The following CUX2 variants were observed in gnomAD, a reference collection of about 807,000 sequenced individuals.
CUX2 encodes homeobox protein cut-like 2.
A neutral mutation model predicts 144.8 loss-of-function variants in CUX2; 40 were observed. That is an observed-to-expected ratio of 0.28 (90% CI 0.21 to 0.36). The LOEUF (loss-of-function observed/expected upper bound fraction) is 0.36, where lower values mean the gene tolerates loss of function less well. Among genes scored for constraint, CUX2 ranks in the 10% least tolerant of loss-of-function variants. The pLI is 1.00. For missense variants in CUX2, 1,615 were observed against 1,994.0 expected (o/e 0.81, Z 3.62); for synonymous variants, 827 against 875.6 (o/e 0.94, Z 0.98).
At chr12:111,106,869 CAG>C (rs1244748787) in intron 1 of CUX2, among the ~76,000 whole-genome samples, 1 of 152,142 alleles carries the variant, frequency 6.6e-6, no homozygotes, top group African/African-American at 2.4e-5. Context: ...GAAAGAAGGA[CAG>C]GGGACAACCT....
intron 1 of CUX2, among the ~76,000 whole-genome samples, chr12:111,098,887 G>A (rs1398401994): frequency 6.6e-6 from 1 of 152,246 alleles, no homozygotes; most frequent in African/African-American, 2.4e-5. Flanking sequence ...CCTGGTGCAG[G>A]GGAAAGGGGG....
intron 1 of CUX2, among the ~76,000 whole-genome samples, chr12:111,112,727 G>A (rs1034396873): frequency 7.9e-5 from 12 of 152,146 alleles, no homozygotes; most frequent in Non-Finnish European, 1.6e-4. Flanking sequence ...GTTCTTTTAG[G>A]TTAAAATAAG....
chr12:111,294,829 C>T (rs1441927254), intron 6 of CUX2, among the ~76,000 whole-genome samples: 1 of 150,686 alleles, frequency 6.6e-6, no homozygotes, highest in Non-Finnish European at 1.5e-5. Context: ...ACCTGGGAGG[C>T]GGAGGTTGCA....
chr12:111,230,234 G>A (rs550789291), intron 3 of CUX2, among the ~76,000 whole-genome samples: 10 of 151,980 alleles, frequency 6.6e-5, no homozygotes, highest in African/African-American at 2.4e-4. Context: ...GAGGAATGGG[G>A]AGAGGGAAGA....
At position 111,099,745 on chromosome 12, in the gene CUX2, C is replaced by T. The variant is rs573932560; in HGVS notation, c.63+65505C>T. The T allele has an allele frequency of 2.0e-5, 9 of 453,882 alleles. No individual in the cohort carries two copies. In the East Asian group the frequency reaches 2.1e-4, roughly 11 times the overall value. The allele number at this position is 453,882 out of a possible 1,614,324, so 28.1% of individuals were successfully genotyped here. On this transcript the variant is annotated intron_variant, in intron 1 of 21. Coordinates refer to ENST00000261726, the MANE Select transcript of CUX2 (RefSeq NM_015267.4). ...TTGGGCGCCGAAACTGGGGCCTGCA[C>T]GGATGGTGTAAAATCAGACCCAGGC...
intron 17 of CUX2, among the ~76,000 whole-genome samples, chr12:111,321,887 G>C (rs2136403612): frequency 6.6e-6 from 1 of 152,164 alleles, no homozygotes; most frequent in East Asian, 1.9e-4. Flanking sequence ...AGGCTTCCTG[G>C]AGGAGGGGGG....
chr12:111,272,691 C>T lies in CUX2; in HGVS notation c.301+8852C>T, dbSNP rs1210016498. On this transcript the variant is annotated intron_variant, in intron 4 of 21. Coordinates refer to ENST00000261726, the MANE Select transcript of CUX2 (RefSeq NM_015267.4). The stretch of plus-strand genomic sequence containing the variant: ...GTTGGTCAGGCTGGTATCGAACTCC[C>T]GACTTCAGGTGATCCACCTGCCTCG... Among the ~76,000 whole-genome samples the T allele has an allele frequency of 3.9e-5, 6 of 152,094 alleles. No homozygotes were observed. The South Asian group carries it at 1.0e-3, about 26-fold the overall frequency.
intron 1 of CUX2, among the ~76,000 whole-genome samples, chr12:111,046,085 A>G (rs1002342115): frequency 6.6e-6 from 1 of 152,142 alleles, no homozygotes; most frequent in African/African-American, 2.4e-5. Flanking sequence ...AGGAACCCCC[A>G]CCACACCCTG....
chr12:111,298,248 G>A (rs962143291), intron 8 of CUX2, among the ~76,000 whole-genome samples: 1 of 152,216 alleles, frequency 6.6e-6, no homozygotes, highest in Non-Finnish European at 1.5e-5. Context: ...GCCGGGGGCT[G>A]TTCTCTTGAG....
chr12:111,241,779 G>A (rs938649775), intron 3 of CUX2, among the ~76,000 whole-genome samples: 1 of 152,264 alleles, frequency 6.6e-6, no homozygotes. Context: ...CAGAACTTGG[G>A]CTGGCCAGCT....
intron 3 of CUX2, among the ~76,000 whole-genome samples, chr12:111,226,575 AACATC>A (rs1882156975): frequency 6.6e-6 from 1 of 152,238 alleles, no homozygotes. Flanking sequence ...CATTAGAAAT[AACATC>A]ATCTAAAGAA....
chr12:111,347,648 G>C lies in CUX2; in HGVS notation c.3784G>C (p.Asp1262His). 6.2e-7 allele frequency: 1 copy of C among 1,609,102 alleles called. No homozygotes were observed. The highest frequency in any genetic ancestry group is 8.5e-7 in the Non-Finnish European group (1 of 1,177,324). ...CCCAGACCCCACCCCGCAGAGCCCT[G>C]ACTCTGAGACTGAGGACCAGAAGCC... Reference protein sequence around the residue: ...SHPDPTPQSPDSETEDQKPTV... With the variant: ...SHPDPTPQSPHSETEDQKPTV... The change falls in exon 22 of 22, where the codon GAC becomes CAC. Residue 1262 changes from aspartate to histidine, a missense_variant. Coordinates refer to ENST00000261726, the MANE Select transcript of CUX2 (RefSeq NM_015267.4).
chr12:111,038,881 G>C (rs1869595573), intron 1 of CUX2, among the ~76,000 whole-genome samples: 1 of 148,290 alleles, frequency 6.7e-6, no homozygotes, highest in Non-Finnish European at 1.5e-5. Flanking sequence ...TTTCAGATGA[G>C]CACGGTGCTA....
At chr12:111,321,503 G>A (rs887559499) in intron 17 of CUX2, among the ~76,000 whole-genome samples, 12 of 151,740 alleles carry the variant, frequency 7.9e-5, no homozygotes, top group Non-Finnish European at 1.6e-4. Flanking sequence ...GGATCAGCCT[G>A]GGCAATGTAG....
intron 1 of CUX2, among the ~76,000 whole-genome samples, chr12:111,087,366 C>CAAA (rs1159500448): frequency 8.7e-4 from 39 of 45,022 alleles, no homozygotes; most frequent in Middle Eastern, 0.015. Context: ...GACTCCATCT[C>CAAA]AAAAAAAAAA....
intron 1 of CUX2, among the ~76,000 whole-genome samples, chr12:111,124,977 T>G (rs934416402): frequency 8.5e-5 from 13 of 152,138 alleles, no homozygotes; most frequent in African/African-American, 3.1e-4. Context: ...GATTCTAGTT[T>G]CTGTGGCCAG....
chr12:111,189,257 A>C (rs1879736812), intron 1 of CUX2, among the ~76,000 whole-genome samples: 1 of 152,246 alleles, frequency 6.6e-6, no homozygotes, highest in Admixed American at 6.5e-5. Flanking sequence ...GGGTGACAGA[A>C]TGAGACCCTG....
intron 1 of CUX2, among the ~76,000 whole-genome samples, chr12:111,213,179 A>T (rs1303205959): frequency 2.0e-5 from 3 of 152,238 alleles, no homozygotes; most frequent in African/African-American, 7.2e-5. Flanking sequence ...ATCGGATGAT[A>T]TATACAGAAA....
chr12:111,039,648 G>A lies in CUX2; in HGVS notation c.63+5408G>A, dbSNP rs1024128020. ...TGCAACCTCCGCCTCCCGGGTTCAC[G>A]TGATTCCCAAGTAGTTGGAACTATA... is the stretch of plus-strand genomic sequence containing the variant. On this transcript the variant is annotated intron_variant, in intron 1 of 21. Transcript: ENST00000261726. The surrounding 1 kb of genome is among the most constrained non-coding windows in gnomAD (Gnocchi z 4.2). Among the ~76,000 whole-genome samples, 2 of 152,166 alleles carry A rather than the reference G, an allele frequency of 1.3e-5. No individual in the cohort carries two copies. The highest frequency in any genetic ancestry group is 2.9e-5 in the Non-Finnish European group (2 of 68,030).
Sources: gnomAD v4.1 joint callset for allele counts (sites outside exome capture counted in the v4.1 genomes callset) on GRCh38, gnomAD v4.1.1 for gene constraint, Gnocchi (gnomAD v3.1) non-coding constraint, MANE v1.5 for transcripts, NCBI Gene and HGNC (gene_info 2026-07-23, HGNC 2026-07-21) for gene names.